PTK2B: variants seen among roughly 807,000 people sequenced by gnomAD.
The protein encoded by PTK2B is protein tyrosine kinase 2 beta, also known as protein-tyrosine kinase 2-beta.
In PTK2B, 71 loss-of-function variants were observed where a neutral mutation model predicts 142.9. The ratio of observed to expected loss-of-function variants is 0.50; its 90% CI spans 0.41 to 0.61. The LOEUF (loss-of-function observed/expected upper bound fraction) is 0.61. PTK2B is among the 20% of genes least tolerant of loss of function. The pLI is 0.00. For missense variants in PTK2B, 1,105 were observed against 1,320.4 expected (o/e 0.84, Z 2.53); for synonymous variants, 519 against 503.4 (o/e 1.03, Z -0.42).
In PTK2B at chr8:27,458,655, C is replaced by A; in HGVS notation, c.*146C>A. 1.3e-6 allele frequency: 1 copy of A among 776,678 alleles called. No individual in the cohort carries two copies. The highest frequency in any genetic ancestry group is 2.1e-6 in the Non-Finnish European group (1 of 480,606). 48.1% of individuals were successfully genotyped at this position (776,678 alleles called of 1,614,324 possible). On this transcript the variant is annotated 3_prime_UTR_variant, in exon 31 of 31. Coordinates refer to ENST00000346049, the MANE Select transcript of PTK2B (RefSeq NM_173176.3). ...CACTTTGCACGACGCCCTCTCCCCACCCCTACCCCTGGCTGTACTGCTCAG... is the reference window on the plus strand; with the variant it reads ...CACTTTGCACGACGCCCTCTCCCCAACCCTACCCCTGGCTGTACTGCTCAG...
chr8:27,347,354 A>C (rs1804777973), intron 1 of PTK2B, among the ~76,000 whole-genome samples: 2 of 152,154 alleles, frequency 1.3e-5, no homozygotes, highest in Admixed American at 1.3e-4. Context: ...CGGCCTCCCA[A>C]AATGTTGGGA....
chr8:27,386,018 A>G (rs1739511056), intron 1 of PTK2B, among the ~76,000 whole-genome samples: 1 of 152,240 alleles, frequency 6.6e-6, no homozygotes, highest in Non-Finnish European at 1.5e-5. Context: ...AACCAAAATA[A>G]CAATATTATA....
At position 27,445,861 on chromosome 8, in the gene PTK2B, A is replaced by G; in HGVS notation, c.2282A>G (p.Asn761Ser). 1 of 1,613,880 alleles carries G rather than the reference A, an allele frequency of 6.2e-7. No individual in the cohort carries two copies. The highest frequency in any genetic ancestry group is 8.5e-7 in the Non-Finnish European group (1 of 1,179,986). ...CCTATGGAGTATCCATCTCCCGTTA[A>G]CTCACTGCACACCCCACCTCTCCAC... ...TSPMEYPSPV[N>S]SLHTPPLHRH... is the part of the protein sequence containing the mutation. Residue 761 changes from asparagine (N) to serine (S), a missense_variant, in exon 24 of 31, where the codon AAC becomes AGC. Asn to Ser is a conservative substitution (Grantham distance 46, BLOSUM62 1). Coordinates refer to ENST00000346049, the MANE Select transcript of PTK2B (RefSeq NM_173176.3).
At chr8:27,432,388 TG>T in intron 10 of PTK2B, 27 bp downstream of exon 10, 1 of 1,602,906 alleles carries the variant, frequency 6.2e-7, no homozygotes. Context: ...ACTGGGCACC[TG>T]GCAGCTCTGC....
chr8:27,331,190 C>T (rs550872969), intron 1 of PTK2B, among the ~76,000 whole-genome samples: 7 of 152,290 alleles, frequency 4.6e-5, no homozygotes, highest in African/African-American at 1.7e-4. Flanking sequence ...TTAAATTGGA[C>T]CAATTCTCCC....
intron 2 of PTK2B, among the ~76,000 whole-genome samples, chr8:27,405,718 T>C (rs1240798770): frequency 6.6e-6 from 1 of 152,248 alleles, no homozygotes; most frequent in Non-Finnish European, 1.5e-5. Context: ...ATTCATTGCA[T>C]CCACAAATTG....
chr8:27,315,945 G>A (rs1563452668), intron 3 of PTK2B, among the ~76,000 whole-genome samples: 3 of 152,152 alleles, frequency 2.0e-5, no homozygotes, highest in Admixed American at 1.3e-4. Context: ...ATGGTGGGGG[G>A]GTGGGTAAGG....
At chr8:27,330,264 C>G (rs1378826794) in intron 1 of PTK2B, among the ~76,000 whole-genome samples, 1 of 152,234 alleles carries the variant, frequency 6.6e-6, no homozygotes, top group Non-Finnish European at 1.5e-5. Context: ...TATGAGCTCT[C>G]TGGTATCTTT....
intron 1 of PTK2B, among the ~76,000 whole-genome samples, chr8:27,327,460 A>C (rs1416289286): frequency 6.6e-6 from 1 of 152,120 alleles, no homozygotes; most frequent in African/African-American, 2.4e-5. Flanking sequence ...GAACATACTT[A>C]TACTCAAACA....
At chr8:27,319,643 C>CA (rs35156739) in intron 3 of PTK2B, among the ~76,000 whole-genome samples, 3,297 of 89,164 alleles carry the variant, frequency 0.037, 213 homozygotes, top group African/African-American at 0.13. Context: ...GACTCTGTCT[C>CA]AAAAAAAAAA....
At chr8:27,435,390 G>A (rs908882557) in intron 13 of PTK2B, among the ~76,000 whole-genome samples, 5 of 152,224 alleles carry the variant, frequency 3.3e-5, no homozygotes, top group African/African-American at 1.2e-4. Context: ...AATTTGGGAG[G>A]TACACAAACA....
intron 11 of PTK2B, 22 bp from the exon 12 acceptor site, chr8:27,434,071 C>G (rs1810616769): frequency 6.2e-7 from 1 of 1,613,766 alleles, no homozygotes; most frequent in South Asian, 1.1e-5. Context: ...CTCCAACCTC[C>G]TCCTTCCTCC....
At chr8:27,440,582 C>A in intron 21 of PTK2B, 141 bp downstream of exon 21, 1 of 995,506 alleles carries the variant, frequency 1.0e-6, no homozygotes. Flanking sequence ...GCCAGGTTCA[C>A]TGTCAGATAT....
At chr8:27,396,458 C>T (rs1586231813) in intron 1 of PTK2B, among the ~76,000 whole-genome samples, 1 of 152,308 alleles carries the variant, frequency 6.6e-6, no homozygotes, top group South Asian at 2.1e-4. Flanking sequence ...GAGCTAAGCT[C>T]GTTCTAGAAC....
At chr8:27,348,690 G>T (rs1354285199) in intron 1 of PTK2B, among the ~76,000 whole-genome samples, 1 of 152,132 alleles carries the variant, frequency 6.6e-6, no homozygotes, top group East Asian at 1.9e-4. Context: ...GTTGTTGCTT[G>T]GCTTCTACTT....
chr8:27,454,111 C>G, intron 28 of PTK2B, 43 bp from the exon 29 acceptor site: 1 of 1,612,516 alleles, frequency 6.2e-7, no homozygotes, highest in Non-Finnish European at 8.5e-7. Context: ...TTCCGTGCCC[C>G]TGGCTCTCCC....
At chr8:27,360,206 C>G (rs1254898508) in intron 1 of PTK2B, among the ~76,000 whole-genome samples, 1 of 152,196 alleles carries the variant, frequency 6.6e-6, no homozygotes, top group Non-Finnish European at 1.5e-5. Context: ...ATTCAGTCAA[C>G]AAATGTCACT....
intron 2 of PTK2B, among the ~76,000 whole-genome samples, chr8:27,402,363 C>A (rs1301001061): frequency 6.6e-6 from 1 of 152,090 alleles, no homozygotes; most frequent in Non-Finnish European, 1.5e-5. Context: ...AGTTTTGGAC[C>A]TGTGGAGTAC....
intron 1 of PTK2B, among the ~76,000 whole-genome samples, chr8:27,396,685 G>A (rs1309896791): frequency 6.6e-6 from 1 of 152,196 alleles, no homozygotes. Flanking sequence ...TTAGATCAGT[G>A]GGAGATAAAC....
Sources: allele counts gnomAD v4.1 joint callset (sites outside exome capture counted in the v4.1 genomes callset), GRCh38; gene constraint gnomAD v4.1.1; transcripts MANE v1.5; gene names NCBI Gene and HGNC (gene_info 2026-07-23, HGNC 2026-07-21).